SLC35F1: variants seen among roughly 807,000 people sequenced by gnomAD.
The protein encoded by SLC35F1 is solute carrier family 35 member F1.
Under a neutral mutation model 48.7 loss-of-function variants are expected in SLC35F1, and 14 were observed. The observed-to-expected ratio is 0.29, with a 90% CI of 0.19 to 0.45. The LOEUF (loss-of-function observed/expected upper bound fraction) is 0.45, where lower values mean the gene tolerates loss of function less well. Ranked by LOEUF, SLC35F1 falls within the 20% of genes least tolerant of loss-of-function variation. The probability of loss-of-function intolerance (pLI) is 1.00; values close to 1 mark genes in which losing one functional copy is unlikely to be tolerated. For missense variants in SLC35F1, 404 were observed against 500.0 expected (o/e 0.81, Z 1.83); for synonymous variants, 190 against 202.2 (o/e 0.94, Z 0.51).
At chr6:118,244,548 G>A (rs1003732105) in intron 3 of SLC35F1, among the ~76,000 whole-genome samples, 3 of 152,230 alleles carry the variant, frequency 2.0e-5, no homozygotes, top group African/African-American at 7.2e-5. Flanking sequence ...AGCAAGGGAC[G>A]TATCTCTCAC....
chr6:117,970,044 G>C (rs569593692), intron 1 of SLC35F1, among the ~76,000 whole-genome samples: 4 of 152,326 alleles, frequency 2.6e-5, no homozygotes, highest in African/African-American at 9.6e-5. Context: ...AAAGGTGTCT[G>C]TTTTTAGGAA....
At chr6:118,278,855 A>G (rs570651700) in intron 6 of SLC35F1, among the ~76,000 whole-genome samples, 2 of 152,348 alleles carry the variant, frequency 1.3e-5, no homozygotes, top group East Asian at 1.9e-4. Context: ...GTAATGATCA[A>G]AAAGAATTTG....
chr6:117,938,209 G>A (rs1776184120), intron 1 of SLC35F1, among the ~76,000 whole-genome samples: 1 of 152,060 alleles, frequency 6.6e-6, no homozygotes, highest in Admixed American at 6.6e-5. Context: ...TTTTATCTCT[G>A]CTAAGTGCTA....
intron 1 of SLC35F1, among the ~76,000 whole-genome samples, chr6:118,101,184 T>C (rs577932152): frequency 6.6e-6 from 1 of 152,288 alleles, no homozygotes; most frequent in East Asian, 1.9e-4. Context: ...AATCAAGCAC[T>C]ATGTCAGAAA....
At chr6:118,023,360 TGGCCCTGTGTGGCTCCATAGGACCCA>T (rs1162764871) in intron 1 of SLC35F1, among the ~76,000 whole-genome samples, 4 of 152,170 alleles carry the variant, frequency 2.6e-5, no homozygotes, top group Non-Finnish European at 5.9e-5. Context: ...TCTGAGAGTG[TGGCCCTGTGTGGCTCCATAGGACCCA>T]GGCCTGTGAA....
intron 1 of SLC35F1, among the ~76,000 whole-genome samples, chr6:118,105,575 G>A (rs1010336299): frequency 3.3e-5 from 5 of 152,242 alleles, no homozygotes; most frequent in South Asian, 4.2e-4. Flanking sequence ...ATCTTTCTAC[G>A]CATTGCCCAG....
At chr6:117,948,466 C>T (rs73519570) in intron 1 of SLC35F1, among the ~76,000 whole-genome samples, 3,549 of 152,142 alleles carry the variant, frequency 0.023, 143 homozygotes, top group African/African-American at 0.081. Flanking sequence ...ATCTACTTTT[C>T]TTCTGGTGCT....
chr6:118,212,137 GC>G (rs1470163138), intron 2 of SLC35F1, among the ~76,000 whole-genome samples: 1 of 152,090 alleles, frequency 6.6e-6, no homozygotes, highest in African/African-American at 2.4e-5. Context: ...TTCAAGCTAG[GC>G]CAAAGTTTCT....
At chr6:117,993,013 A>G (rs899646197) in intron 1 of SLC35F1, among the ~76,000 whole-genome samples, 2 of 152,210 alleles carry the variant, frequency 1.3e-5, no homozygotes, top group African/African-American at 2.4e-5. Context: ...CATTCATGCA[A>G]AGAAAGCCAC....
intron 1 of SLC35F1, among the ~76,000 whole-genome samples, chr6:118,058,880 TA>T (rs1330396239): frequency 2.6e-5 from 4 of 152,202 alleles, no homozygotes; most frequent in African/African-American, 9.6e-5. Flanking sequence ...ATGCAATTCA[TA>T]ACCTTTTCAA....
chr6:117,988,229 C>A (rs969709144), intron 1 of SLC35F1, among the ~76,000 whole-genome samples: 1 of 152,144 alleles, frequency 6.6e-6, no homozygotes, highest in African/African-American at 2.4e-5. Context: ...AGGTGTAAAG[C>A]AGAATTTCTT....
At chr6:118,138,106 C>T (rs940064045) in intron 1 of SLC35F1, among the ~76,000 whole-genome samples, 3 of 151,790 alleles carry the variant, frequency 2.0e-5, no homozygotes, top group Non-Finnish European at 4.4e-5. Context: ...GCAGGAGGTT[C>T]GAGACCAGCC....
chr6:118,082,071 A>G (rs1057046555), intron 1 of SLC35F1, among the ~76,000 whole-genome samples: 11 of 152,358 alleles, frequency 7.2e-5, no homozygotes, highest in Admixed American at 3.3e-4. Context: ...TAAAACAGAT[A>G]ATTTCTAAAC....
rs1247453475 is a variant in SLC35F1, at chr6:118,317,558, A to G, written c.*3306A>G. The G allele has an allele frequency of 6.6e-6, 1 of 152,248 alleles. No individual in the cohort carries two copies. The highest frequency in any genetic ancestry group is 1.5e-5 in the Non-Finnish European group (1 of 68,038). 9.4% of individuals were successfully genotyped at this position (152,248 alleles called of 1,614,324 possible). A position where few individuals can be genotyped will look rare whatever the true frequency, so the allele number is the denominator to read the frequency against. On this transcript the variant is annotated 3_prime_UTR_variant, in exon 8 of 8. Coordinates refer to ENST00000360388, the MANE Select transcript of SLC35F1 (RefSeq NM_001029858.4). ...TACGAACCAAAAAAAAGTTACACCG[A>G]TAAGTTCAACAAACTGTCCATTTTT...
chr6:118,170,863 T>C (rs953423250), intron 2 of SLC35F1, among the ~76,000 whole-genome samples: 3 of 152,172 alleles, frequency 2.0e-5, no homozygotes, highest in Admixed American at 1.3e-4. Context: ...TTTAAAGTAA[T>C]AGTTTGTCTC....
intron 3 of SLC35F1, among the ~76,000 whole-genome samples, chr6:118,236,417 CACAAA>C (rs1397891934): frequency 6.6e-6 from 1 of 152,134 alleles, no homozygotes; most frequent in Non-Finnish European, 1.5e-5. Context: ...TAGGATAAAA[CACAAA>C]ACAAAACATT....
At chr6:118,252,684 T>C (rs1171063880) in intron 3 of SLC35F1, among the ~76,000 whole-genome samples, 3 of 152,026 alleles carry the variant, frequency 2.0e-5, no homozygotes, top group Admixed American at 6.6e-5. Context: ...GATTAGGTCA[T>C]AGTGGAGTGG....
At chr6:118,253,186 C>A (rs944283763) in intron 3 of SLC35F1, among the ~76,000 whole-genome samples, 1 of 151,912 alleles carries the variant, frequency 6.6e-6, no homozygotes, top group Non-Finnish European at 1.5e-5. Flanking sequence ...ATCCTGAGAA[C>A]ACAATATTTG....
At chr6:118,150,801 T>G (rs762709042) in intron 1 of SLC35F1, among the ~76,000 whole-genome samples, 7 of 152,214 alleles carry the variant, frequency 4.6e-5, no homozygotes, top group Non-Finnish European at 8.8e-5. Flanking sequence ...TCATTGATAT[T>G]ATGTTACATG....
Sources: gnomAD v4.1 joint callset for allele counts (sites outside exome capture counted in the v4.1 genomes callset) on GRCh38, gnomAD v4.1.1 for gene constraint, MANE v1.5 for transcripts, NCBI Gene and HGNC (gene_info 2026-07-23, HGNC 2026-07-21) for gene names.